ZNF765: variants seen among roughly 807,000 people sequenced by gnomAD.
The protein encoded by ZNF765 is zinc finger protein 765.
A neutral mutation model predicts 44.7 loss-of-function variants in ZNF765; 37 were observed. The observed-to-expected ratio is 0.83, with a 90% CI of 0.64 to 1.09. The LOEUF is 1.09. Ranked by LOEUF, ZNF765 falls within the 50% of genes least tolerant of loss-of-function variation. The pLI is 0.00. For synonymous variants in ZNF765, 201 were observed against 213.7 expected (o/e 0.94, Z 0.52); for missense variants, 594 against 626.1 (o/e 0.95, Z 0.55).
chr19:53,400,408 C>T (rs114056025), intron 2 of ZNF765, among the ~76,000 whole-genome samples: 1,693 of 152,134 alleles, frequency 0.011, 32 homozygotes, highest in African/African-American at 0.034. Context: ...CACGATTCCT[C>T]CAGGTCAGGC....
At chr19:53,413,020 G>T (rs2147102091), downstream of ZNF765, among the ~76,000 whole-genome samples, 1 of 152,076 alleles carries the variant, frequency 6.6e-6, no homozygotes, top group African/African-American at 2.4e-5. Context: ...TGAAGCCAGA[G>T]AATCACTTGA....
At chr19:53,421,998 T>G (rs536018247) in intron 3 of ZNF765, among the ~76,000 whole-genome samples, 1 of 152,198 alleles carries the variant, frequency 6.6e-6, no homozygotes, top group African/African-American at 2.4e-5. Flanking sequence ...TTTTTAAACC[T>G]ACTTTAGTCA....
rs201583297 is a variant in ZNF765, at chr19:53,408,988, C to T, written c.1433C>T (p.Thr478Met). 3.7e-6 allele frequency: 6 copies of T among 1,603,384 alleles called. No individual in the cohort carries two copies. The highest frequency in any genetic ancestry group is 4.5e-5 in the East Asian group (2 of 44,256). ...GAGTGTGGCAAGACCTTCAGCCGGA[C>T]GTCATCCCTTACATACCATCATAGA... ...CNECGKTFSR[T>M]SSLTYHHRLH... The change falls in exon 4 of 4, where the codon ACG (threonine) becomes ATG (methionine). Residue 478 changes from threonine (T) to methionine (M), a missense_variant. This residue lies in a region of ZNF765 where 567 missense variants were observed against 572.6 expected (regional missense o/e 0.99). Coordinates refer to ENST00000396408, the MANE Select transcript of ZNF765 (RefSeq NM_001040185.3).
intron 1 of ZNF765, among the ~76,000 whole-genome samples, chr19:53,397,264 T>G (rs566220258): frequency 1.3e-5 from 2 of 152,382 alleles, no homozygotes; most frequent in African/African-American, 4.8e-5. Flanking sequence ...CTAATCTATT[T>G]TGGTAGATGG....
chr19:53,409,060 CTTTCAG>C lies in ZNF765; in HGVS notation c.1511_1516del (p.Ser504_Phe505del), dbSNP rs1259280951. 1.2e-6 allele frequency: 2 copies of C among 1,613,866 alleles called. No homozygotes were observed. Among genetic ancestry groups the C allele is most frequent in the Admixed American group, 3.3e-5 (2 of 59,988 alleles). On this transcript the variant is annotated inframe_deletion, in exon 4 of 4. Transcript: ENST00000396408. ...TACAAATGTGAAGATTGTGATGAAGCTTTCAGTTTCAAATCAAACCTTGAAAGACAT... is the reference window on the plus strand; with the variant it reads ...TACAAATGTGAAGATTGTGATGAAGCTTTCAAATCAAACCTTGAAAGACAT...
Position 53,409,612 on chromosome 19 carries a change from C to A in ZNF765, c.*485C>A, listed in dbSNP as rs1207135050. The A allele has an allele frequency of 2.7e-6, 4 of 1,462,118 alleles. No individual in the cohort carries two copies. The highest frequency in any genetic ancestry group is 3.8e-6 in the Non-Finnish European group (4 of 1,045,854). 90.6% of individuals were successfully genotyped at this position (1,462,118 alleles called of 1,614,324 possible). A position where few individuals can be genotyped will look rare whatever the true frequency, so the allele number is the denominator to read the frequency against. On this transcript the variant is annotated 3_prime_UTR_variant, in exon 4 of 4. Transcript: ENST00000396408. ...AGGAGAATTCATACTGGAGAGAAAC[C>A]ATACAAGTGTAATGAGTGTGGCAAG... is the stretch of plus-strand genomic sequence containing the variant.
chr19:53,414,256 A>AAAAAAAAAC (rs1265300820), downstream of ZNF765, among the ~76,000 whole-genome samples: 2 of 145,024 alleles, frequency 1.4e-5, 1 homozygote, highest in African/African-American at 5.4e-5. Flanking sequence ...AAAAAAAAAG[A>AAAAAAAAAC]AACTTGCAGC....
At chr19:53,421,558 G>A (rs899256037) in intron 3 of ZNF765, among the ~76,000 whole-genome samples, 1 of 151,892 alleles carries the variant, frequency 6.6e-6, no homozygotes, top group African/African-American at 2.4e-5. Context: ...CTTGTTACCC[G>A]GGCTGGAGTG....
chr19:53,414,489 ACCCCCCCCCCCCCC>A (rs1160212994), downstream of ZNF765, among the ~76,000 whole-genome samples: 9 of 5,098 alleles, frequency 1.8e-3, no homozygotes, highest in East Asian at 0.01. Context: ...ACACACACAC[ACCCCCCCCCCCCCC>A]CCCCCCGGGG....
downstream of ZNF765, among the ~76,000 whole-genome samples, chr19:53,412,501 C>A (rs2085841572): frequency 6.6e-6 from 1 of 152,068 alleles, no homozygotes; most frequent in Admixed American, 6.5e-5. Flanking sequence ...AGTTTTTGCA[C>A]CAAATTAAAC....
intron 2 of ZNF765, 152 bp from the exon 3 acceptor site, chr19:53,401,913 G>C: frequency 6.4e-7 from 1 of 1,561,140 alleles, no homozygotes; most frequent in Non-Finnish European, 8.8e-7. Context: ...ACACAACTGG[G>C]AAGACAAAAT....
rs10419169 is a variant in ZNF765, at chr19:53,399,102, T to A, written c.15+1072T>A. ...TTTCTTTTTTTTAAAATTATTATTA[T>A]ACTTTAAGTTTTAGGGTACATGTGC... is the stretch of plus-strand genomic sequence containing the variant. On this transcript the variant is annotated intron_variant, in intron 2 of 3. Transcript: ENST00000396408. Among the ~76,000 whole-genome samples, 911 of 151,964 alleles carry A rather than the reference T, an allele frequency of 6.0e-3. 9 individuals carry two copies. Among genetic ancestry groups the A allele is most frequent in the African/African-American group, 0.021 (857 of 41,432 alleles).
At chr19:53,414,256 A>AAAAAAAT (rs1265300820), downstream of ZNF765, among the ~76,000 whole-genome samples, 2 of 145,024 alleles carry the variant, frequency 1.4e-5, no homozygotes, top group African/African-American at 5.4e-5. Flanking sequence ...AAAAAAAAAG[A>AAAAAAAT]AACTTGCAGC....
rs995777225 is a variant in ZNF765, at chr19:53,398,086, C to T, written c.15+56C>T. 3.1e-6 allele frequency: 5 copies of T among 1,613,458 alleles called. No homozygotes were observed. The East Asian group carries it at 6.7e-5, about 22-fold the overall frequency. On this transcript the variant is annotated intron_variant, in intron 2 of 3. Transcript: ENST00000396408. ...TCTCCTTCTTTTCAGAAATGCTGAC[C>T]TTGGAGTTTGGAATCTTCTCTGAGT...
At chr19:53,397,652 A>G (rs2085684294) in intron 1 of ZNF765, among the ~76,000 whole-genome samples, 1 of 152,052 alleles carries the variant, frequency 6.6e-6, no homozygotes, top group South Asian at 2.1e-4. Context: ...GAGTGCTGGG[A>G]TGACAGGCAT....
chr19:53,400,725 G>C (rs1458013144), intron 2 of ZNF765, among the ~76,000 whole-genome samples: 2 of 132,514 alleles, frequency 1.5e-5, no homozygotes, highest in South Asian at 2.4e-4. Flanking sequence ...TTAACATCTA[G>C]TTTTTTGTGA....
At chr19:53,422,628 G>C (rs1252369429) in intron 3 of ZNF765, among the ~76,000 whole-genome samples, 4 of 152,058 alleles carry the variant, frequency 2.6e-5, no homozygotes, top group Admixed American at 6.6e-5. Flanking sequence ...AGGCTGGCGT[G>C]CAGTGGCGCG....
chr19:53,414,489 A>C (rs868671891), downstream of ZNF765, among the ~76,000 whole-genome samples: 48 of 5,090 alleles, frequency 9.4e-3, 4 homozygotes, highest in African/African-American at 0.021. Context: ...ACACACACAC[A>C]CCCCCCCCCC....
Position 53,409,130 on chromosome 19 carries a change from A to C in ZNF765, c.*3A>C, listed in dbSNP as rs778059053. On this transcript the variant is annotated 3_prime_UTR_variant, in exon 4 of 4. Transcript: ENST00000396408. ...CTGGAGAGAAACTACACGTGTAATG[A>C]GTGTGGTAAGACCTTCAATCAGGAG... The C allele has an allele frequency of 6.2e-7, 1 of 1,608,856 alleles. No individual in the cohort carries two copies. The highest frequency in any genetic ancestry group is 8.5e-7 in the Non-Finnish European group (1 of 1,175,480).
Sources: gnomAD v4.1 joint callset for allele counts (sites outside exome capture counted in the v4.1 genomes callset) on GRCh38, gnomAD v4.1.1 for gene constraint, gnomAD v4.1.1 regional missense constraint, MANE v1.5 for transcripts, NCBI Gene and HGNC (gene_info 2026-07-23, HGNC 2026-07-21) for gene names.